RORA: variants seen among roughly 807,000 people sequenced by gnomAD.
RORA encodes nuclear receptor ROR-alpha.
In RORA, 7 loss-of-function variants were observed where a neutral mutation model predicts 69.5. That is an observed-to-expected ratio of 0.10 (90% CI 0.06 to 0.19). RORA has a LOEUF of 0.19. Ranked by LOEUF, RORA falls within the 10% of genes least tolerant of loss-of-function variation. The pLI is 1.00. For synonymous variants in RORA, 261 were observed against 240.8 expected, an observed-to-expected ratio of 1.08 and a Z score of -0.78; for missense variants, 457 against 663.0, an observed-to-expected ratio of 0.69 and a Z score of 3.41.
chr15:61,163,758 T>A (rs2079517254), intron 1 of RORA, among the ~76,000 whole-genome samples: 1 of 152,100 alleles, frequency 6.6e-6, no homozygotes, highest in South Asian at 2.1e-4. Flanking sequence ...CTCAAAACCA[T>A]CACACAGCTC....
intron 4 of RORA, among the ~76,000 whole-genome samples, chr15:60,513,942 C>G (rs1407848567): frequency 6.6e-6 from 1 of 152,200 alleles, no homozygotes; most frequent in African/African-American, 2.4e-5. Flanking sequence ...TGCCCAGTTT[C>G]CACGTATAAG....
chr15:60,832,517 C>CG (rs1315450397), intron 1 of RORA, among the ~76,000 whole-genome samples: 2 of 152,112 alleles, frequency 1.3e-5, no homozygotes, highest in East Asian at 3.9e-4. Context: ...TGGAGCACAA[C>CG]TGTTACTCCA....
At chr15:60,974,952 G>C (rs1893834343) in intron 1 of RORA, among the ~76,000 whole-genome samples, 1 of 152,222 alleles carries the variant, frequency 6.6e-6, no homozygotes, top group African/African-American at 2.4e-5. Flanking sequence ...AAGCAACACT[G>C]TTCGGCTGGA....
chr15:61,008,925 T>G (rs1056660646), intron 1 of RORA, among the ~76,000 whole-genome samples: 2 of 152,086 alleles, frequency 1.3e-5, no homozygotes, highest in Non-Finnish European at 2.9e-5. Flanking sequence ...TTTGATGAAA[T>G]TAGAAAGACA....
intron 1 of RORA, among the ~76,000 whole-genome samples, chr15:60,831,019 T>C (rs1405774788): frequency 6.6e-6 from 1 of 152,216 alleles, no homozygotes; most frequent in African/African-American, 2.4e-5. Context: ...AGCTATGCAC[T>C]TGTATAGTCA....
chr15:60,632,145 T>C (rs895233102), intron 2 of RORA, among the ~76,000 whole-genome samples: 19 of 151,666 alleles, frequency 1.3e-4, no homozygotes, highest in Non-Finnish European at 2.5e-4. Flanking sequence ...CTCACTCTGT[T>C]GTCCAGGCTG....
chr15:61,043,351 A>G (rs910058450), intron 1 of RORA, among the ~76,000 whole-genome samples: 3 of 152,202 alleles, frequency 2.0e-5, no homozygotes, highest in African/African-American at 7.2e-5. Flanking sequence ...CTCATCTCAC[A>G]GATGAGAACT....
rs373682183 is a variant in RORA at position 61,132,040 on chromosome 15, C to G, written c.166+97013G>C. ...TCACTTTCTCCTTCCCTCCCTCCCT[C>G]TCTCTTTTTAAAATAGAAATCAGAT... On this transcript the variant is annotated intron_variant, in intron 1 of 10. Coordinates refer to ENST00000335670, the MANE Select transcript of RORA (RefSeq NM_134261.3). 4.4e-3 allele frequency among the ~76,000 whole-genome samples: 675 copies of G among 152,332 alleles called. 9 individuals carry two copies. Among genetic ancestry groups the G allele is most frequent in the African/African-American group, 0.015 (632 of 41,558 alleles).
chr15:60,879,007 A>T (rs1378137697), intron 1 of RORA, among the ~76,000 whole-genome samples: 1 of 152,076 alleles, frequency 6.6e-6, no homozygotes, highest in Non-Finnish European at 1.5e-5. Context: ...GGATCTGAAG[A>T]CCTCCATGAC....
chr15:60,533,486 CT>C (rs150875372), intron 2 of RORA, among the ~76,000 whole-genome samples: 7,892 of 152,204 alleles, frequency 0.052, 563 homozygotes, highest in African/African-American at 0.16. Flanking sequence ...AAGAAAAATT[CT>C]TTATGAAATA....
intron 1 of RORA, among the ~76,000 whole-genome samples, chr15:60,991,477 A>C (rs1039762712): frequency 6.6e-6 from 1 of 152,214 alleles, no homozygotes; most frequent in Admixed American, 6.5e-5. Context: ...ACATATCAAA[A>C]GTCCTAAAAG....
At chr15:60,819,044 C>G (rs1239219134) in intron 1 of RORA, among the ~76,000 whole-genome samples, 1 of 152,238 alleles carries the variant, frequency 6.6e-6, no homozygotes, top group Non-Finnish European at 1.5e-5. Context: ...CCATTACTGA[C>G]AGCTAAATAA....
chr15:60,811,620 G>A (rs906005042), intron 1 of RORA, among the ~76,000 whole-genome samples: 5 of 152,084 alleles, frequency 3.3e-5, no homozygotes, highest in African/African-American at 9.7e-5. Flanking sequence ...ATATACTTTG[G>A]ACCAATGATA....
At chr15:60,956,840 AAGCTGTGAGTTAGGGACAT>A (rs1450947324) in intron 1 of RORA, among the ~76,000 whole-genome samples, 2 of 152,194 alleles carry the variant, frequency 1.3e-5, no homozygotes, top group Non-Finnish European at 2.9e-5. Flanking sequence ...ATTGTAGAGG[AAGCTGTGAGTTAGGGACAT>A]AGCTCAAGCA....
intron 1 of RORA, among the ~76,000 whole-genome samples, chr15:60,939,975 A>T (rs568346951): frequency 6.6e-6 from 1 of 152,232 alleles, no homozygotes. Flanking sequence ...TCCTGGTGGT[A>T]AATTACATTA....
At chr15:60,584,298 T>A (rs1240248479) in intron 2 of RORA, among the ~76,000 whole-genome samples, 1 of 152,244 alleles carries the variant, frequency 6.6e-6, no homozygotes, top group Non-Finnish European at 1.5e-5. Flanking sequence ...AACCACTGTT[T>A]CAGGCAGGAT....
At chr15:60,927,606 C>A (rs1031823875) in intron 1 of RORA, among the ~76,000 whole-genome samples, 3 of 151,994 alleles carry the variant, frequency 2.0e-5, no homozygotes, top group Non-Finnish European at 4.4e-5. Flanking sequence ...AACCCCATCT[C>A]TACTAAAAAT....
intron 1 of RORA, among the ~76,000 whole-genome samples, chr15:61,161,392 C>A (rs1029397083): frequency 6.6e-6 from 1 of 152,200 alleles, no homozygotes; most frequent in African/African-American, 2.4e-5. Flanking sequence ...GGTTCAAATG[C>A]TGGCTCTGCC....
chr15:60,693,237 T>C (rs1567158594), intron 1 of RORA, among the ~76,000 whole-genome samples: 1 of 152,144 alleles, frequency 6.6e-6, no homozygotes, highest in Non-Finnish European at 1.5e-5. Flanking sequence ...AGGCCTTCAA[T>C]AAAAGTCAAC....
Sources: allele counts gnomAD v4.1 joint callset (sites outside exome capture counted in the v4.1 genomes callset), GRCh38; gene constraint gnomAD v4.1.1; transcripts MANE v1.5; gene names NCBI Gene and HGNC (gene_info 2026-07-23, HGNC 2026-07-21).